Variants in RPL21 observed in about 807,000 individuals in gnomAD.
RPL21 encodes the protein ribosomal protein L21, also known as large ribosomal subunit protein eL21.
In RPL21, 1 loss-of-function variant was observed where a neutral mutation model predicts 21.2. That is an observed-to-expected ratio of 0.05 (90% CI 0.02 to 0.22). RPL21 has a LOEUF of 0.22. Among genes scored for constraint, RPL21 ranks in the 10% least tolerant of loss-of-function variants. RPL21 has a pLI of 1.00. For missense variants in RPL21, 113 were observed against 199.4 expected (o/e 0.57, Z 2.61); for synonymous variants, 52 against 62.9 (o/e 0.83, Z 0.82).
At chr13:27,254,415 G>A in intron 3 of RPL21, 134 bp downstream of exon 3, 1 of 241,498 alleles carries the variant, frequency 4.1e-6, no homozygotes, top group Admixed American at 7.8e-5. Context: ...TTTTTTTGGA[G>A]ACGGAGTTTC....
chr13:27,255,500 G>T, intron 4 of RPL21, 146 bp downstream of exon 4: 2 of 764,684 alleles, frequency 2.6e-6, no homozygotes, highest in Non-Finnish European at 4.8e-6. Flanking sequence ...CTGGGTGTTT[G>T]TCTGTATCCT....
intron 2 of RPL21, 63 bp downstream of exon 2, chr13:27,253,906 A>G (rs1003276962): frequency 2.7e-5 from 26 of 950,494 alleles, no homozygotes; most frequent in Non-Finnish European, 4.5e-5. Flanking sequence ...TGTGTTCAAC[A>G]TGTGTTGTAG....
chr13:27,255,387 A>G, intron 4 of RPL21, 33 bp downstream of exon 4: 2 of 889,008 alleles, frequency 2.2e-6, no homozygotes, highest in South Asian at 1.3e-5. Context: ...GTGGCTAACC[A>G]GTATTCCCTC....
At chr13:27,253,583 A>G in intron 1 of RPL21, 182 bp from the exon 2 acceptor site, 2 of 548,074 alleles carry the variant, frequency 3.6e-6, no homozygotes, top group South Asian at 3.9e-5. Context: ...CAGTTTTGCC[A>G]AAAGACCTTA....
intron 4 of RPL21, chr13:27,255,914 T>C (rs1030963502): frequency 5.1e-6 from 2 of 389,820 alleles, no homozygotes; most frequent in South Asian, 5.3e-5. Flanking sequence ...AGTAAACTTT[T>C]AAATTTTATT....
At chr13:27,255,912 TTTAAA>T (rs1394925507) in intron 4 of RPL21, 92 of 384,930 alleles carry the variant, frequency 2.4e-4, no homozygotes, top group Non-Finnish European at 4.2e-4. Flanking sequence ...TTAGTAAACT[TTTAAA>T]TTTTATTAGC....
In RPL21 at chr13:27,256,529, G is replaced by C. The variant is rs1422780760; in HGVS notation, c.*4G>C. On this transcript the variant is annotated 3_prime_UTR_variant, in exon 6 of 6. Transcript: ENST00000311549. ...TCCCTATGAATTCATGGCATAATAG[G>C]TGTTAAAAAAAAAAATAAAGGACCT... is the stretch of plus-strand genomic sequence containing the variant. The C allele has an allele frequency of 3.3e-6, 4 of 1,203,050 alleles. No homozygotes were observed. The highest frequency in any genetic ancestry group is 4.9e-6 in the Non-Finnish European group (4 of 808,104). The allele number at this position is 1,203,050 out of a possible 1,614,324, so 74.5% of individuals were successfully genotyped here. A position where few individuals can be genotyped will look rare whatever the true frequency, so the allele number is the denominator to read the frequency against.
chr13:27,254,375 G>C lies in RPL21; in HGVS notation c.129+94G>C, dbSNP rs1431730334. 6 of 594,912 alleles carry C rather than the reference G, an allele frequency of 1.0e-5. No homozygotes were observed. The Admixed American group carries it at 1.4e-4, about 13-fold the overall frequency. The allele number at this position is 594,912 out of a possible 1,614,324, so 36.9% of individuals were successfully genotyped here. On this transcript the variant is annotated intron_variant, in intron 3 of 5. Coordinates refer to ENST00000311549, the MANE Select transcript of RPL21 (RefSeq NM_000982.4). ...TCAAATACTAGTGTATGTTGCATCT[G>C]TAAGAGTATAGAATGGATTTTTTTT...
rs1325618733 is a variant in RPL21 at position 27,256,531 on chromosome 13, G to GT, written c.*8dup. On this transcript the variant is annotated 3_prime_UTR_variant, in exon 6 of 6. Transcript: ENST00000311549. ...CCTATGAATTCATGGCATAATAGGTGTTAAAAAAAAAAATAAAGGACCTCT... is the reference window on the plus strand; with the variant it reads ...CCTATGAATTCATGGCATAATAGGTGTTTAAAAAAAAAAATAAAGGACCTCT... 14 of 1,159,816 alleles carry GT rather than the reference G, an allele frequency of 1.2e-5. No homozygotes were observed. In the African/African-American group the frequency reaches 1.5e-4, roughly 13 times the overall value. 71.8% of individuals were successfully genotyped at this position (1,159,816 alleles called of 1,614,324 possible). A position where few individuals can be genotyped will look rare whatever the true frequency, so the allele number is the denominator to read the frequency against.
chr13:27,256,358 T>C (rs369877739), intron 5 of RPL21, 24 bp downstream of exon 5: 1 of 1,607,748 alleles, frequency 6.2e-7, no homozygotes, highest in East Asian at 2.2e-5. Flanking sequence ...GTATATTTCA[T>C]TGGTTCTGAG....
chr13:27,255,315 C>G lies in RPL21; in HGVS notation c.203C>G (p.Thr68Ser), dbSNP rs1446567848. Reference sequence around the variant, plus strand: ...AAAACTGGAAGAGTCTACAATGTTACCCAGCATGCTGTTGGCATTGTTGTA... The same window carrying G: ...AAAACTGGAAGAGTCTACAATGTTAGCCAGCATGCTGTTGGCATTGTTGTA... ...HGKTGRVYNV[T>S]QHAVGIVVNK... The change falls in exon 4 of 6, where the codon ACC (threonine) becomes AGC (serine). Residue 68 changes from threonine (T) to serine (S), a missense_variant. Transcript: ENST00000311549. 3.4e-6 allele frequency: 5 copies of G among 1,470,442 alleles called. No homozygotes were observed. The highest frequency in any genetic ancestry group is 4.8e-6 in the Non-Finnish European group (5 of 1,049,074). 91.1% of individuals were successfully genotyped at this position (1,470,442 alleles called of 1,614,324 possible). A position where few individuals can be genotyped will look rare whatever the true frequency, so the allele number is the denominator to read the frequency against.
chr13:27,256,330 G>A lies in RPL21; in HGVS notation c.389G>A (p.Arg130His). The A allele has an allele frequency of 5.6e-6, 9 of 1,610,666 alleles. No homozygotes were observed. Among genetic ancestry groups the A allele is most frequent in the Non-Finnish European group, 6.8e-6 (8 of 1,177,530 alleles). The change falls in exon 5 of 6, where the codon CGC becomes CAC. Residue 130 changes from arginine to histidine, a missense_variant. Coordinates refer to ENST00000311549, the MANE Select transcript of RPL21 (RefSeq NM_000982.4). The part of the protein sequence containing the change: ...KEKGTWVQLK[R>H]QPAPPREAHF... Reference sequence around the variant, plus strand: ...AAAGGTACCTGGGTTCAACTAAAGCGCCAGGTAAGAATTTGGTGTATATTT... The same window carrying A: ...AAAGGTACCTGGGTTCAACTAAAGCACCAGGTAAGAATTTGGTGTATATTT...
At position 27,255,480 on chromosome 13, in the gene RPL21, C is replaced by T. The variant is rs370502026; in HGVS notation, c.242+126C>T. The T allele has an allele frequency of 7.8e-6, 6 of 767,172 alleles. No individual in the cohort carries two copies. The African/African-American group carries it at 8.5e-5, about 11-fold the overall frequency. The allele number at this position is 767,172 out of a possible 1,614,324, so 47.5% of individuals were successfully genotyped here. The stretch of plus-strand genomic sequence containing the variant: ...GGGCAAAGGAAATATCCTTTTAAAA[C>T]TCAGGCAAACTGGGTGTTTGTCTGT... On this transcript the variant is annotated intron_variant, in intron 4 of 5. Coordinates refer to ENST00000311549, the MANE Select transcript of RPL21 (RefSeq NM_000982.4).
chr13:27,253,029 A>T (rs1033173170), intron 1 of RPL21, among the ~76,000 whole-genome samples: 1 of 152,224 alleles, frequency 6.6e-6, no homozygotes. Context: ...TTCTTAGATA[A>T]TGATAAATTA....
At chr13:27,256,126 T>G in intron 4 of RPL21, 58 bp from the exon 5 acceptor site, 1 of 1,342,926 alleles carries the variant, frequency 7.4e-7, no homozygotes, top group Non-Finnish European at 1.0e-6. Context: ...AAAATCAGTT[T>G]TCTACATTTC....
At position 27,255,376 on chromosome 13, in the gene RPL21, T is replaced by C. The variant is rs747129293; in HGVS notation, c.242+22T>C. On this transcript the variant is annotated intron_variant, in intron 4 of 5. Transcript: ENST00000311549. ...TTAAGTAAGTAGTGTTGTAGTTCTTTGTGGCTAACCAGTATTCCCTCATAT... is the reference window on the plus strand; with the variant it reads ...TTAAGTAAGTAGTGTTGTAGTTCTTCGTGGCTAACCAGTATTCCCTCATAT... 23 of 962,912 alleles carry C rather than the reference T, an allele frequency of 2.4e-5. 1 individual carries two copies. The South Asian group carries it at 2.9e-4, about 12-fold the overall frequency. The allele number at this position is 962,912 out of a possible 1,614,324, so 59.6% of individuals were successfully genotyped here.
intron 3 of RPL21, 55 bp downstream of exon 3, chr13:27,254,336 T>A: frequency 9.6e-7 from 1 of 1,046,616 alleles, no homozygotes; most frequent in Middle Eastern, 2.0e-4. Context: ...TTGGATTTAA[T>A]CTAGTGTAGG....
At chr13:27,253,907 T>C (rs1377248892) in intron 2 of RPL21, 64 bp downstream of exon 2, 1 of 924,614 alleles carries the variant, frequency 1.1e-6, no homozygotes, top group African/African-American at 1.6e-5. Flanking sequence ...GTGTTCAACA[T>C]GTGTTGTAGT....
intron 1 of RPL21, among the ~76,000 whole-genome samples, chr13:27,253,429 C>T (rs1213089818): frequency 6.6e-6 from 1 of 152,180 alleles, no homozygotes; most frequent in Non-Finnish European, 1.5e-5. Flanking sequence ...TAATTACATG[C>T]CCTTGGCATT....
Sources: allele counts gnomAD v4.1 joint callset (sites outside exome capture counted in the v4.1 genomes callset), GRCh38; gene constraint gnomAD v4.1.1; transcripts MANE v1.5; gene names NCBI Gene and HGNC (gene_info 2026-07-23, HGNC 2026-07-21).